The following OPCML variants were observed in gnomAD, a reference collection of about 807,000 sequenced individuals.
The protein encoded by OPCML is opioid binding protein/cell adhesion molecule like.
A neutral mutation model predicts 37.8 loss-of-function variants in OPCML; 13 were observed. The observed-to-expected ratio is 0.34, with a 90% confidence interval of 0.22 to 0.55. The LOEUF (loss-of-function observed/expected upper bound fraction) is 0.55. Ranked by LOEUF, OPCML falls within the 20% of genes least tolerant of loss-of-function variation. OPCML has a pLI of 0.91. For missense variants in OPCML, 341 were observed against 435.6 expected (o/e 0.78, Z 1.93); for synonymous variants, 176 against 168.8 (o/e 1.04, Z -0.33).
chr11:133,087,468 T>C (rs957810331), intron 1 of OPCML, among the ~76,000 whole-genome samples: 1 of 151,960 alleles, frequency 6.6e-6, no homozygotes, highest in South Asian at 2.1e-4. Context: ...GTCCCCAGGG[T>C]CTACTGTTCC....
intron 2 of OPCML, among the ~76,000 whole-genome samples, chr11:132,928,108 T>C (rs568751213): frequency 2.0e-4 from 31 of 152,040 alleles, no homozygotes; most frequent in African/African-American, 7.0e-4. Context: ...CAAAACAGCA[T>C]AGTAAGTCAG....
At chr11:133,282,453 A>T (rs575187679) in intron 1 of OPCML, among the ~76,000 whole-genome samples, 1 of 152,344 alleles carries the variant, frequency 6.6e-6, no homozygotes, top group East Asian at 1.9e-4. Context: ...GAAGCCTGGC[A>T]GCTTCCTCCA....
intron 4 of OPCML, among the ~76,000 whole-genome samples, chr11:132,511,987 T>C (rs2096269822): frequency 6.6e-6 from 1 of 152,024 alleles, no homozygotes; most frequent in African/African-American, 2.4e-5. Context: ...ACATAAGACA[T>C]GTATCTAGAA....
intron 1 of OPCML, among the ~76,000 whole-genome samples, chr11:133,287,242 A>G (rs1374231904): frequency 6.7e-6 from 1 of 148,216 alleles, no homozygotes; most frequent in Non-Finnish European, 1.5e-5. Flanking sequence ...TGTATTCAAA[A>G]TATTTTTTTT....
At chr11:133,266,505 A>T (rs1368025788) in intron 1 of OPCML, among the ~76,000 whole-genome samples, 1 of 152,102 alleles carries the variant, frequency 6.6e-6, no homozygotes, top group Non-Finnish European at 1.5e-5. Flanking sequence ...TCATCATACC[A>T]TGTTGTTGTC....
intron 2 of OPCML, among the ~76,000 whole-genome samples, chr11:132,888,175 C>T (rs777874997): frequency 2.0e-5 from 3 of 152,118 alleles, no homozygotes; most frequent in Non-Finnish European, 2.9e-5. Context: ...CCTGGTTTGA[C>T]GTTCAGTTCC....
intron 1 of OPCML, among the ~76,000 whole-genome samples, chr11:133,207,318 A>C (rs1939121987): frequency 6.6e-6 from 1 of 151,902 alleles, no homozygotes; most frequent in Non-Finnish European, 1.5e-5. Flanking sequence ...AAAACAAACA[A>C]ACAAAAAAGA....
chr11:133,099,264 C>CTT (rs1023553714), intron 1 of OPCML, among the ~76,000 whole-genome samples: 2 of 144,964 alleles, frequency 1.4e-5, no homozygotes, highest in Non-Finnish European at 1.5e-5. Context: ...AGTTTTTTAT[C>CTT]TTTTTTTTTT....
chr11:132,783,659 T>C (rs1308734561), intron 2 of OPCML, among the ~76,000 whole-genome samples: 1 of 152,146 alleles, frequency 6.6e-6, no homozygotes, highest in African/African-American at 2.4e-5. Context: ...AAAGATATAA[T>C]ACTCCCAAAG....
intron 1 of OPCML, among the ~76,000 whole-genome samples, chr11:133,128,809 AGT>A (rs935691618): frequency 6.6e-6 from 1 of 152,060 alleles, no homozygotes; most frequent in African/African-American, 2.4e-5. Flanking sequence ...TGACCAAGAG[AGT>A]GGAGAAGAAA....
At chr11:132,867,493 T>C (rs896824215) in intron 2 of OPCML, among the ~76,000 whole-genome samples, 1 of 152,206 alleles carries the variant, frequency 6.6e-6, no homozygotes, top group Non-Finnish European at 1.5e-5. Context: ...TGATATAAAG[T>C]TAAGCCCTCT....
intron 2 of OPCML, among the ~76,000 whole-genome samples, chr11:132,925,183 T>C (rs990343136): frequency 6.6e-6 from 1 of 152,222 alleles, no homozygotes; most frequent in African/African-American, 2.4e-5. Context: ...TTGTCCATTT[T>C]TTCCCAATAT....
chr11:133,102,592 C>CAA (rs1454140369), intron 1 of OPCML, among the ~76,000 whole-genome samples: 1 of 151,596 alleles, frequency 6.6e-6, no homozygotes, highest in Non-Finnish European at 1.5e-5. Flanking sequence ...CTAAAAAATA[C>CAA]AAAAAAAATT....
intron 1 of OPCML, among the ~76,000 whole-genome samples, chr11:133,336,983 T>C (rs1416975185): frequency 1.3e-5 from 2 of 152,178 alleles, no homozygotes; most frequent in Non-Finnish European, 2.9e-5. Flanking sequence ...GGCTGTTAAA[T>C]TTGCAAGGGC....
chr11:133,247,767 T>A (rs1940994323), intron 1 of OPCML, among the ~76,000 whole-genome samples: 1 of 151,932 alleles, frequency 6.6e-6, no homozygotes, highest in Admixed American at 6.6e-5. Flanking sequence ...CATGCCCAAC[T>A]AATTTTTGTA....
At chr11:133,356,246 A>G (rs1944286504) in intron 1 of OPCML, among the ~76,000 whole-genome samples, 1 of 152,216 alleles carries the variant, frequency 6.6e-6, no homozygotes, top group Non-Finnish European at 1.5e-5. Flanking sequence ...TAAAGTGCCC[A>G]GGTTGGAACA....
At chr11:132,827,461 G>A (rs1237952204) in intron 2 of OPCML, among the ~76,000 whole-genome samples, 1 of 152,164 alleles carries the variant, frequency 6.6e-6, no homozygotes, top group Non-Finnish European at 1.5e-5. Context: ...TTGCTGATGG[G>A]AATGCAAAAT....
intron 1 of OPCML, among the ~76,000 whole-genome samples, chr11:133,460,738 T>TC (rs2136984259): frequency 6.6e-6 from 1 of 152,046 alleles, no homozygotes; most frequent in South Asian, 2.1e-4. Flanking sequence ...ACAGATGTTT[T>TC]CACTGGTGAA....
intron 3 of OPCML, among the ~76,000 whole-genome samples, chr11:132,572,774 C>T (rs2096441645): frequency 6.6e-6 from 1 of 151,804 alleles, no homozygotes; most frequent in South Asian, 2.1e-4. Flanking sequence ...TTTTCTTTTT[C>T]TATTTCTGTA....
Sources: allele counts gnomAD v4.1 joint callset (sites outside exome capture counted in the v4.1 genomes callset), GRCh38; gene constraint gnomAD v4.1.1; transcripts MANE v1.5; gene names NCBI Gene and HGNC (gene_info 2026-07-23, HGNC 2026-07-21).